AOPEP: variants seen among roughly 807,000 people sequenced by gnomAD.
AOPEP encodes aminopeptidase O.
A neutral mutation model predicts 98.1 loss-of-function variants in AOPEP; 77 were observed. That is an observed-to-expected ratio of 0.78 (90% CI 0.65 to 0.95). AOPEP has a LOEUF of 0.95. Among genes scored for constraint, AOPEP ranks in the 40% least tolerant of loss-of-function variants. AOPEP has a pLI of 0.00. For synonymous variants in AOPEP, 346 were observed against 365.3 expected, an observed-to-expected ratio of 0.95 and a Z score of 0.60; for missense variants, 1,024 against 1,024.7, an observed-to-expected ratio of 1.00 and a Z score of 0.01.
intron 5 of AOPEP, among the ~76,000 whole-genome samples, chr9:94,871,355 A>G (rs2046326482): frequency 6.6e-6 from 1 of 152,176 alleles, no homozygotes. Flanking sequence ...TGATTTTCAG[A>G]CTTCCTGACA....
rs371766902 is a variant in AOPEP at position 95,029,830 on chromosome 9, G to A, written c.2115+24214G>A. 2.8e-3 allele frequency among the ~76,000 whole-genome samples: 419 copies of A among 152,172 alleles called. 8 individuals carry two copies. Among genetic ancestry groups the A allele is most frequent in the South Asian group, 0.023 (110 of 4,818 alleles). Reference sequence around the variant, plus strand: ...CAGGTGATAGTCTGGCCTCTCTTTCGTAGTGCTTGTCCTGGGAGATGGGTG... The same window carrying A: ...CAGGTGATAGTCTGGCCTCTCTTTCATAGTGCTTGTCCTGGGAGATGGGTG... On this transcript the variant is annotated intron_variant, in intron 13 of 16. Transcript: ENST00000375315.
the AOPEP span, chr9:95,126,744 C>CGTAT: frequency 1.5e-6 from 1 of 675,330 alleles, no homozygotes; most frequent in Non-Finnish European, 2.7e-6. Flanking sequence ...AAACGCCCCA[C>CGTAT]ATACAAGTGC....
chr9:94,888,865 A>C (rs892309296), intron 5 of AOPEP, among the ~76,000 whole-genome samples: 2 of 152,182 alleles, frequency 1.3e-5, no homozygotes. Context: ...TTCTCTCTGC[A>C]TGTGTACGTG....
At chr9:95,003,791 T>C (rs2061722256) in intron 11 of AOPEP, 1 of 153,696 alleles carries the variant, frequency 6.5e-6, no homozygotes, top group African/African-American at 2.4e-5. Context: ...CGCAAAATGG[T>C]TAACACGTCT....
chr9:95,144,843 A>G, the AOPEP span, among the ~76,000 whole-genome samples: 1 of 152,202 alleles, frequency 6.6e-6, no homozygotes, highest in South Asian at 2.1e-4. Context: ...TAAGGAAAGA[A>G]TCGAGCGCCG....
the AOPEP span, among the ~76,000 whole-genome samples, chr9:95,140,725 A>G: frequency 1.3e-5 from 2 of 152,184 alleles, no homozygotes; most frequent in African/African-American, 4.8e-5. Flanking sequence ...GTTATGGAGA[A>G]TTGCTTACTT....
chr9:95,053,524 G>A (rs941442630), intron 13 of AOPEP, among the ~76,000 whole-genome samples: 2 of 152,018 alleles, frequency 1.3e-5, no homozygotes, highest in African/African-American at 4.8e-5. Flanking sequence ...TACAGTAAAG[G>A]TATACTCATA....
In AOPEP at chr9:94,922,279, C is replaced by T. The variant is rs1418691730; in HGVS notation, c.1365-1707C>T. ...TTCATGAATAGTCTTAGAGCGATTTCGCAGTCATCCACTCGTGGAAGCTTC... is the reference window on the plus strand; with the variant it reads ...TTCATGAATAGTCTTAGAGCGATTTTGCAGTCATCCACTCGTGGAAGCTTC... On this transcript the variant is annotated intron_variant, in intron 5 of 16. Coordinates refer to ENST00000375315, the MANE Select transcript of AOPEP (RefSeq NM_001193329.3). Among the ~76,000 whole-genome samples the T allele has an allele frequency of 2.6e-5, 4 of 152,310 alleles. No individual in the cohort carries two copies. In the East Asian group the frequency reaches 5.8e-4, roughly 22 times the overall value.
At chr9:95,005,376 C>T (rs539416123) in intron 12 of AOPEP, among the ~76,000 whole-genome samples, 156 bp downstream of exon 12, 1 of 151,618 alleles carries the variant, frequency 6.6e-6, no homozygotes, top group Non-Finnish European at 1.5e-5. Context: ...AAGGTCGCGG[C>T]CCCTGCGGTG....
Position 95,086,492 on chromosome 9 carries a change from G to A in AOPEP, c.*5-190G>A, listed in dbSNP as rs542682428. On this transcript the variant is annotated intron_variant, in intron 16 of 16. Transcript: ENST00000375315. ...TACAGCCTGCTGGTGTCATGGCCAC[G>A]TGTGAGCAGGCCAGCGTCACACGGC... 4.4e-5 allele frequency: 43 copies of A among 985,404 alleles called. No homozygotes were observed. The African/African-American group carries it at 6.3e-4, about 14-fold the overall frequency. The allele number at this position is 985,404 out of a possible 1,614,324, so 61.0% of individuals were successfully genotyped here.
chr9:94,822,437 C>T (rs1206477332), intron 5 of AOPEP, among the ~76,000 whole-genome samples: 2 of 152,138 alleles, frequency 1.3e-5, no homozygotes, highest in African/African-American at 4.8e-5. Flanking sequence ...GCTGTTTTTG[C>T]TTTAACAAAA....
At chr9:95,133,094 C>T in the AOPEP span, among the ~76,000 whole-genome samples, 18 of 152,212 alleles carry the variant, frequency 1.2e-4, no homozygotes, top group East Asian at 1.3e-3. Context: ...CCTGTCACTG[C>T]ACCAAGATAC....
intron 5 of AOPEP, among the ~76,000 whole-genome samples, chr9:94,811,052 C>T (rs1850468324): frequency 6.6e-6 from 1 of 152,202 alleles, no homozygotes. Context: ...TCTTTAGCTT[C>T]CAGATATCTC....
chr9:94,989,107 G>C (rs2060706097), intron 11 of AOPEP, among the ~76,000 whole-genome samples: 1 of 150,752 alleles, frequency 6.6e-6, no homozygotes, highest in African/African-American at 2.4e-5. Context: ...TTGTTTGTTT[G>C]TTTGTTTGTT....
At chr9:95,029,387 C>T (rs751178004) in intron 13 of AOPEP, among the ~76,000 whole-genome samples, 1 of 152,170 alleles carries the variant, frequency 6.6e-6, no homozygotes, top group African/African-American at 2.4e-5. Context: ...GAGCCATGCC[C>T]TGTAAACCGG....
intron 2 of AOPEP, among the ~76,000 whole-genome samples, chr9:94,764,985 G>T (rs73532332): frequency 0.011 from 1,695 of 152,226 alleles, 29 homozygotes; most frequent in African/African-American, 0.038. Context: ...TTTTGTAAGA[G>T]CTGTTTTCTC....
chr9:95,076,238 G>A (rs895537706), intron 14 of AOPEP, among the ~76,000 whole-genome samples: 4 of 152,176 alleles, frequency 2.6e-5, no homozygotes, highest in Admixed American at 2.6e-4. Context: ...GTCTCACGTC[G>A]ATTTTGGCAG....
At chr9:95,095,464 G>T in the AOPEP span, among the ~76,000 whole-genome samples, 3 of 152,224 alleles carry the variant, frequency 2.0e-5, no homozygotes, top group Non-Finnish European at 4.4e-5. Context: ...TTACTGATGT[G>T]TAGAAGAGCT....
chr9:95,047,677 A>G (rs1486388820), intron 13 of AOPEP, among the ~76,000 whole-genome samples: 1 of 152,176 alleles, frequency 6.6e-6, no homozygotes, highest in East Asian at 1.9e-4. Flanking sequence ...AATAAATCAC[A>G]TTCCTCTTAA....
Sources: allele counts gnomAD v4.1 joint callset (sites outside exome capture counted in the v4.1 genomes callset), GRCh38; gene constraint gnomAD v4.1.1; transcripts MANE v1.5; gene names NCBI Gene and HGNC (gene_info 2026-07-23, HGNC 2026-07-21).